TPRG1: variants seen among roughly 807,000 people sequenced by gnomAD.
TPRG1 encodes the protein tumor protein p63-regulated gene 1 protein.
TPRG1 carries 29 observed loss-of-function variants against 29.3 expected under a neutral mutation model. The observed-to-expected ratio is 0.99, with a 90% CI of 0.74 to 1.35. TPRG1 has a LOEUF of 1.35. Ranked by LOEUF, TPRG1 falls within the 40% of genes most tolerant of loss-of-function variation. TPRG1 has a pLI of 0.00. For missense variants in TPRG1, 327 were observed against 335.0 expected (o/e 0.98, Z 0.19); for synonymous variants, 130 against 116.8 (o/e 1.11, Z -0.73).
intron 4 of TPRG1, among the ~76,000 whole-genome samples, chr3:189,150,022 C>T (rs1037882116): frequency 6.6e-6 from 1 of 152,150 alleles, no homozygotes; most frequent in Non-Finnish European, 1.5e-5. Context: ...TTTGATGTAC[C>T]CAGTGCCAAA....
intron 3 of TPRG1, among the ~76,000 whole-genome samples, chr3:189,019,864 G>A (rs1329083398): frequency 3.8e-4 from 57 of 150,272 alleles, no homozygotes; most frequent in African/African-American, 1.3e-3. Context: ...TCTGGTCCTG[G>A]ACTCTTTTTG....
intron 1 of TPRG1, among the ~76,000 whole-genome samples, chr3:189,177,830 A>G (rs1729697351): frequency 6.6e-6 from 1 of 152,184 alleles, no homozygotes; most frequent in South Asian, 2.1e-4. Flanking sequence ...TCCCTAAATT[A>G]TCAACACGTT....
chr3:189,036,895 CAGAAGAAGA>C (rs1326486399), intron 4 of TPRG1, among the ~76,000 whole-genome samples: 1 of 151,150 alleles, frequency 6.6e-6, no homozygotes, highest in Non-Finnish European at 1.5e-5. Flanking sequence ...CCAGAATCAG[CAGAAGAAGA>C]AATAAAAAAT....
intron 1 of TPRG1, among the ~76,000 whole-genome samples, chr3:189,183,564 AGAC>A (rs1427932963): frequency 1.3e-5 from 2 of 152,068 alleles, no homozygotes; most frequent in African/African-American, 4.8e-5. Flanking sequence ...TGATCATAGA[AGAC>A]GACCACACCC....
intron 4 of TPRG1, 110 bp downstream of exon 4, chr3:189,239,019 A>G: frequency 1.1e-6 from 1 of 896,822 alleles, no homozygotes; most frequent in African/African-American, 1.7e-5. Context: ...CCAAGGGAGG[A>G]TAGTGAAATC....
At position 189,320,908 on chromosome 3, in the gene TPRG1, A is replaced by G. The variant is rs918990191; in HGVS notation, c.*88A>G. 6 of 1,149,814 alleles carry G rather than the reference A, an allele frequency of 5.2e-6. No homozygotes were observed. In the African/African-American group the frequency reaches 9.6e-5, roughly 18 times the overall value. The allele number at this position is 1,149,814 out of a possible 1,614,324, so 71.2% of individuals were successfully genotyped here. A position where few individuals can be genotyped will look rare whatever the true frequency, so the allele number is the denominator to read the frequency against. On this transcript the variant is annotated 3_prime_UTR_variant, in exon 6 of 6. Transcript: ENST00000345063. ...ACCCACGCTATTTTTGGACTGAAAC[A>G]ATTAATTATTTTTAAATGACGCTTT... is the stretch of plus-strand genomic sequence containing the variant.
chr3:189,285,891 T>G (rs1717975932), intron 4 of TPRG1, among the ~76,000 whole-genome samples: 1 of 152,230 alleles, frequency 6.6e-6, no homozygotes, highest in Non-Finnish European at 1.5e-5. Context: ...TATTTTTTTT[T>G]CTGAGTACAA....
chr3:189,117,087 T>G (rs1721267141), intron 1 of TPRG1, among the ~76,000 whole-genome samples: 1 of 152,204 alleles, frequency 6.6e-6, no homozygotes, highest in African/African-American at 2.4e-5. Context: ...CTTTCTCCAG[T>G]TTAAACAGTC....
chr3:189,031,705 A>G (rs1713943693), intron 4 of TPRG1, among the ~76,000 whole-genome samples: 1 of 152,186 alleles, frequency 6.6e-6, no homozygotes, highest in Non-Finnish European at 1.5e-5. Context: ...ACGGTTGGTG[A>G]TTCACTCTGT....
At chr3:189,157,439 A>G (rs1381661641) in intron 5 of TPRG1, among the ~76,000 whole-genome samples, 4 of 152,152 alleles carry the variant, frequency 2.6e-5, no homozygotes, top group Non-Finnish European at 4.4e-5. Context: ...ACAGAGTCCA[A>G]GGCAGATGGT....
chr3:189,035,066 A>G (rs1252375048), intron 4 of TPRG1, among the ~76,000 whole-genome samples: 4 of 152,190 alleles, frequency 2.6e-5, no homozygotes, highest in African/African-American at 9.7e-5. Context: ...ACAAAACAGC[A>G]TGGTACTAGT....
intron 1 of TPRG1, among the ~76,000 whole-genome samples, chr3:189,105,718 C>A (rs1719737246): frequency 6.6e-6 from 1 of 152,116 alleles, no homozygotes; most frequent in African/African-American, 2.4e-5. Context: ...ATTTAGCAAG[C>A]TGATTTTCTT....
At chr3:189,111,162 G>A (rs1156471824) in intron 1 of TPRG1, among the ~76,000 whole-genome samples, 4 of 151,748 alleles carry the variant, frequency 2.6e-5, no homozygotes, top group Non-Finnish European at 5.9e-5. Context: ...AGGTTAATTT[G>A]GGGGAAATTA....
chr3:189,137,259 G>T (rs964766179), intron 3 of TPRG1, among the ~76,000 whole-genome samples: 4 of 150,554 alleles, frequency 2.7e-5, no homozygotes, highest in African/African-American at 9.8e-5. Flanking sequence ...TCAACATTAA[G>T]AAAGCAACAA....
intron 1 of TPRG1, among the ~76,000 whole-genome samples, chr3:189,113,383 A>C (rs1437434521): frequency 6.6e-6 from 1 of 152,042 alleles, no homozygotes; most frequent in East Asian, 1.9e-4. Context: ...TCTCCTGCCT[A>C]ATTGCCCTGG....
In TPRG1 at chr3:189,193,132, AT is replaced by A. The variant is rs555964454; in HGVS notation, c.-9-14223del. On this transcript the variant is annotated intron_variant, in intron 1 of 5. Coordinates refer to ENST00000345063, the MANE Select transcript of TPRG1 (RefSeq NM_198485.4). ...ATTCTCTCTTTGTTTTTGACTTTTA[AT>A]TTTTTTTTTTTTTTTTTTTTGAGAT... Among the ~76,000 whole-genome samples the A allele has an allele frequency of 4.8e-3, 434 of 90,224 alleles. 1 individual carries two copies. The highest frequency in any genetic ancestry group is 8.6e-3 in the African/African-American group (192 of 22,420). The allele number at this position is 90,224 out of a possible 152,430, so 59.2% of individuals were successfully genotyped here.
chr3:189,180,935 C>G (rs1730133946), intron 1 of TPRG1, among the ~76,000 whole-genome samples: 1 of 152,154 alleles, frequency 6.6e-6, no homozygotes, highest in Admixed American at 6.5e-5. Context: ...CATACATCTT[C>G]TAAAATCTAG....
At chr3:189,147,585 A>C (rs1578535852) in exon 4 of TPRG1, 2 of 152,290 alleles carry the variant, frequency 1.3e-5, no homozygotes, top group Admixed American at 1.3e-4. Flanking sequence ...TTCGACTAGG[A>C]TGTCTTCCAT....
At chr3:189,184,319 C>G (rs1730630888) in intron 1 of TPRG1, among the ~76,000 whole-genome samples, 1 of 152,186 alleles carries the variant, frequency 6.6e-6, no homozygotes, top group South Asian at 2.1e-4. Flanking sequence ...ATAGCACATG[C>G]AAGTGCTTCA....
Sources: gnomAD v4.1 joint callset for allele counts (sites outside exome capture counted in the v4.1 genomes callset) on GRCh38, gnomAD v4.1.1 for gene constraint, MANE v1.5 for transcripts, NCBI Gene and HGNC (gene_info 2026-07-23, HGNC 2026-07-21) for gene names.